ANO3: variants seen among roughly 807,000 people sequenced by gnomAD.
ANO3 encodes anoctamin-3.
In ANO3, 99 loss-of-function variants were observed where a neutral mutation model predicts 144.8. The observed-to-expected ratio is 0.68, with a 90% CI of 0.58 to 0.81. The LOEUF (loss-of-function observed/expected upper bound fraction) is 0.81. Among genes scored for constraint, ANO3 ranks in the 30% least tolerant of loss-of-function variants. The pLI, the probability that ANO3 is intolerant of heterozygous loss-of-function variation, is 0.00. For synonymous variants in ANO3, 414 were observed against 392.6 expected, an observed-to-expected ratio of 1.05 and a Z score of -0.64; for missense variants, 905 against 1,202.2, an observed-to-expected ratio of 0.75 and a Z score of 3.66.
At chr11:26,326,587 G>C (rs943094361) in intron 1 of ANO3, among the ~76,000 whole-genome samples, 2 of 152,092 alleles carry the variant, frequency 1.3e-5, no homozygotes, top group Non-Finnish European at 2.9e-5. Flanking sequence ...AACCGGCCTG[G>C]TCATGTTCAA....
chr11:26,462,871 A>G (rs1859463573), intron 3 of ANO3, among the ~76,000 whole-genome samples, 159 bp from the exon 4 acceptor site: 1 of 151,850 alleles, frequency 6.6e-6, no homozygotes, highest in South Asian at 2.1e-4. Flanking sequence ...TATTGAATGT[A>G]TGGATTATTT....
chr11:26,242,296 C>T (rs569033869), intron 1 of ANO3, among the ~76,000 whole-genome samples: 1 of 152,226 alleles, frequency 6.6e-6, no homozygotes, highest in South Asian at 2.1e-4. Context: ...TATCTTCATG[C>T]TTTCCTACTT....
intron 1 of ANO3, among the ~76,000 whole-genome samples, chr11:26,380,209 T>A (rs946280773): frequency 6.6e-6 from 1 of 152,084 alleles, no homozygotes; most frequent in Non-Finnish European, 1.5e-5. Flanking sequence ...ATTAAAATAA[T>A]GCCTGGAACA....
At chr11:26,423,351 C>T (rs1484318385) in intron 1 of ANO3, among the ~76,000 whole-genome samples, 4 of 142,020 alleles carry the variant, frequency 2.8e-5, no homozygotes, top group African/African-American at 1.0e-4. Context: ...TCTACTTCCC[C>T]TGTGAATAAG....
intron 3 of ANO3, among the ~76,000 whole-genome samples, chr11:26,459,900 T>C (rs574519344): frequency 1.3e-5 from 2 of 152,222 alleles, no homozygotes; most frequent in African/African-American, 2.4e-5. Flanking sequence ...TTATTATTCA[T>C]AGGCTTAAAG....
intron 4 of ANO3, among the ~76,000 whole-genome samples, chr11:26,469,043 C>G (rs1213996215): frequency 6.6e-6 from 1 of 151,870 alleles, no homozygotes; most frequent in East Asian, 1.9e-4. Flanking sequence ...AAGAAGTCTC[C>G]TTTTCAATCA....
intron 1 of ANO3, among the ~76,000 whole-genome samples, chr11:26,318,783 T>C (rs1854687609): frequency 6.6e-6 from 1 of 152,174 alleles, no homozygotes; most frequent in Non-Finnish European, 1.5e-5. Context: ...TCTAGGAATA[T>C]ATTTTGACCC....
intron 3 of ANO3, among the ~76,000 whole-genome samples, chr11:26,444,784 A>G (rs1377300677): frequency 6.6e-6 from 1 of 152,206 alleles, no homozygotes. Context: ...TTTGGTATTT[A>G]TAATAGCATT....
In ANO3 at chr11:26,338,898, G is replaced by A. The variant is rs887004517; in HGVS notation, c.46+6577G>A. ...TGTAACACTCACCGCGAGGGTCCGC[G>A]GCTTCATTCTTGAAGTCAGCGAGAC... On this transcript the variant is annotated intron_variant, in intron 1 of 26. Coordinates refer to ENST00000256737, the MANE Select transcript of ANO3 (RefSeq NM_031418.4). 6.6e-5 allele frequency among the ~76,000 whole-genome samples: 10 copies of A among 152,244 alleles called. 1 individual carries two copies. The South Asian group carries it at 1.0e-3, about 16-fold the overall frequency.
At chr11:26,315,725 C>T (rs544604166) in intron 1 of ANO3, among the ~76,000 whole-genome samples, 2 of 152,026 alleles carry the variant, frequency 1.3e-5, no homozygotes, top group South Asian at 4.1e-4. Context: ...ACCTACCTAT[C>T]TACCTACCTA....
intron 1 of ANO3, among the ~76,000 whole-genome samples, chr11:26,434,575 T>G (rs1858230868): frequency 1.3e-5 from 2 of 152,174 alleles, no homozygotes; most frequent in African/African-American, 4.8e-5. Flanking sequence ...TGCTATAAAT[T>G]TCCCTTCTAA....
chr11:26,313,679 G>T (rs557575806), intron 1 of ANO3, among the ~76,000 whole-genome samples: 1 of 151,248 alleles, frequency 6.6e-6, no homozygotes, highest in Non-Finnish European at 1.5e-5. Flanking sequence ...AAGCAAGACT[G>T]TGTCTCAAAA....
At chr11:26,630,172 A>T (rs1852730194) in intron 18 of ANO3, among the ~76,000 whole-genome samples, 6 of 152,232 alleles carry the variant, frequency 3.9e-5, no homozygotes. Context: ...TAATGATAAT[A>T]AATATATCAA....
intron 1 of ANO3, among the ~76,000 whole-genome samples, chr11:26,408,293 C>A (rs1857341972): frequency 6.6e-6 from 1 of 151,648 alleles, no homozygotes; most frequent in East Asian, 2.0e-4. Context: ...AAACAAACAA[C>A]CCCATCAAAA....
At chr11:26,291,046 G>A (rs972780209) in intron 1 of ANO3, among the ~76,000 whole-genome samples, 3 of 152,214 alleles carry the variant, frequency 2.0e-5, no homozygotes, top group Non-Finnish European at 4.4e-5. Context: ...GGGAGGCTGA[G>A]TCTCTTTGTA....
At chr11:26,273,044 C>T (rs1460742580) in intron 1 of ANO3, among the ~76,000 whole-genome samples, 1 of 151,962 alleles carries the variant, frequency 6.6e-6, no homozygotes, top group African/African-American at 2.4e-5. Flanking sequence ...TAATGAAATA[C>T]CTATAAATAT....
intron 6 of ANO3, among the ~76,000 whole-genome samples, chr11:26,522,866 C>A (rs1439296042): frequency 3.3e-5 from 5 of 150,894 alleles, no homozygotes; most frequent in Non-Finnish European, 7.4e-5. Flanking sequence ...AGAGGGAAAT[C>A]TCATTTTTTT....
intron 1 of ANO3, among the ~76,000 whole-genome samples, chr11:26,296,291 A>G (rs1027276062): frequency 6.6e-6 from 1 of 152,210 alleles, no homozygotes; most frequent in East Asian, 1.9e-4. Context: ...ATCAATCTCC[A>G]AATTTAAACA....
intron 1 of ANO3, among the ~76,000 whole-genome samples, chr11:26,220,668 C>T (rs1197902323): frequency 6.6e-6 from 1 of 152,202 alleles, no homozygotes; most frequent in Non-Finnish European, 1.5e-5. Flanking sequence ...CTTATCATGT[C>T]CTCATGATCA....
Sources: gnomAD v4.1 joint callset for allele counts (sites outside exome capture counted in the v4.1 genomes callset) on GRCh38, gnomAD v4.1.1 for gene constraint, MANE v1.5 for transcripts, NCBI Gene and HGNC (gene_info 2026-07-23, HGNC 2026-07-21) for gene names.